Variants in ATP9B observed in about 807,000 individuals in gnomAD.
ATP9B encodes ATPase phospholipid transporting 9B.
In ATP9B, 110 loss-of-function variants were observed where a neutral mutation model predicts 146.1. The observed-to-expected ratio is 0.75, with a 90% confidence interval of 0.65 to 0.88. The LOEUF (loss-of-function observed/expected upper bound fraction) is 0.88. Ranked by LOEUF, ATP9B falls within the 40% of genes least tolerant of loss-of-function variation. The pLI is 0.00. For synonymous variants in ATP9B, 604 were observed against 569.7 expected (o/e 1.06, Z -0.86); for missense variants, 1,499 against 1,496.4 (o/e 1.00, Z -0.03).
At position 79,372,618 on chromosome 18, in the gene ATP9B, T is replaced by A. The variant is rs113610581; in HGVS notation, c.3013-207T>A. 5 of 667,990 alleles carry A rather than the reference T, an allele frequency of 7.5e-6. No individual in the cohort carries two copies. The South Asian group carries it at 7.5e-5, about 10-fold the overall frequency. The allele number at this position is 667,990 out of a possible 1,614,324, so 41.4% of individuals were successfully genotyped here. A position where few individuals can be genotyped will look rare whatever the true frequency, so the allele number is the denominator to read the frequency against. On this transcript the variant is annotated intron_variant, in intron 26 of 29. Coordinates refer to ENST00000426216, the MANE Select transcript of ATP9B (RefSeq NM_198531.5). ...ATGAACGTCTAACCTCAGGCACCAG[T>A]GGACACGTGTGGGACCCAGGCAGCT...
intron 12 of ATP9B, among the ~76,000 whole-genome samples, chr18:79,257,346 T>C (rs962900463): frequency 6.6e-6 from 1 of 152,146 alleles, no homozygotes; most frequent in African/African-American, 2.4e-5. Flanking sequence ...GTAAGTGTTG[T>C]CAGTAAATAG....
Position 79,157,396 on chromosome 18 carries a change from CAAAA to C in ATP9B, c.778+2866_778+2869del, listed in dbSNP as rs147316668. The stretch of plus-strand genomic sequence containing the variant: ...GGGTGACGAGAGTGAAACTCCATCT[CAAAA>C]AAAAAAAAAAAAAAAAAAAAAAAAC... On this transcript the variant is annotated intron_variant, in intron 7 of 29. Coordinates refer to ENST00000426216, the MANE Select transcript of ATP9B (RefSeq NM_198531.5). 9.6e-3 allele frequency among the ~76,000 whole-genome samples: 465 copies of C among 48,612 alleles called. 3 individuals are homozygous for C. Among genetic ancestry groups the C allele is most frequent in the South Asian group, 0.073 (58 of 792 alleles). 31.9% of individuals were successfully genotyped at this position (48,612 alleles called of 152,430 possible). A position where few individuals can be genotyped will look rare whatever the true frequency, so the allele number is the denominator to read the frequency against.
At chr18:79,094,627 G>T (rs916185227) in intron 1 of ATP9B, among the ~76,000 whole-genome samples, 2 of 152,226 alleles carry the variant, frequency 1.3e-5, no homozygotes, top group Non-Finnish European at 2.9e-5. Flanking sequence ...GTTCTGCTTT[G>T]CAAGAGCCCC....
intron 15 of ATP9B, chr18:79,307,548 G>A: frequency 3.4e-6 from 1 of 295,954 alleles, no homozygotes; most frequent in Non-Finnish European, 6.4e-6. Context: ...TGTCAAAGCT[G>A]CATTTTATAA....
intron 3 of ATP9B, among the ~76,000 whole-genome samples, chr18:79,110,925 T>G (rs1288438579): frequency 6.6e-6 from 1 of 152,204 alleles, no homozygotes; most frequent in Non-Finnish European, 1.5e-5. Flanking sequence ...TGAAACAATT[T>G]TTTATACTGA....
intron 12 of ATP9B, among the ~76,000 whole-genome samples, chr18:79,260,402 C>T (rs982528574): frequency 5.3e-5 from 8 of 152,114 alleles, no homozygotes; most frequent in African/African-American, 1.9e-4. Flanking sequence ...CCTCTACACA[C>T]GGGGAGTACA....
chr18:79,235,896 T>G (rs2095837223), intron 11 of ATP9B, among the ~76,000 whole-genome samples: 1 of 152,190 alleles, frequency 6.6e-6, no homozygotes, highest in South Asian at 2.1e-4. Flanking sequence ...CACGGATTTC[T>G]ACATCTTTGA....
intron 13 of ATP9B, among the ~76,000 whole-genome samples, chr18:79,299,434 A>G (rs1202814437): frequency 3.3e-5 from 5 of 152,106 alleles, no homozygotes; most frequent in Non-Finnish European, 7.3e-5. Context: ...CCACTAGTAA[A>G]TTCATATGCT....
At chr18:79,079,053 G>A (rs1281957215) in intron 1 of ATP9B, among the ~76,000 whole-genome samples, 1 of 152,118 alleles carries the variant, frequency 6.6e-6, no homozygotes, top group African/African-American at 2.4e-5. Flanking sequence ...TCTTTATCCA[G>A]TCTGTCATTG....
At position 79,171,706 on chromosome 18, in the gene ATP9B, C is replaced by G. The variant is rs75690954; in HGVS notation, c.779-5107C>G. ...CCACCAACGCAGTCAAGGTGCAGAA[C>G]TGTTGCACCACCGTGAGGATCTCCC... On this transcript the variant is annotated intron_variant, in intron 7 of 29. Coordinates refer to ENST00000426216, the MANE Select transcript of ATP9B (RefSeq NM_198531.5). 2.7e-3 allele frequency among the ~76,000 whole-genome samples: 410 copies of G among 152,282 alleles called. 11 individuals are homozygous for G. In the East Asian group the frequency reaches 0.057, roughly 21 times the overall value.
At position 79,279,607 on chromosome 18, in the gene ATP9B, G is replaced by A. The variant is rs376498769; in HGVS notation, c.1411+2411G>A. ...CAATTCTGTACACCAGCAACCATTAGGACATTTAATACCAAAACACCAGTT... is the reference window on the plus strand; with the variant it reads ...CAATTCTGTACACCAGCAACCATTAAGACATTTAATACCAAAACACCAGTT... On this transcript the variant is annotated intron_variant, in intron 13 of 29. Transcript: ENST00000426216. 2.4e-3 allele frequency among the ~76,000 whole-genome samples: 364 copies of A among 152,080 alleles called. 1 individual carries two copies. Among genetic ancestry groups the A allele is most frequent in the South Asian group, 6.5e-3 (31 of 4,806 alleles).
intron 8 of ATP9B, 59 bp downstream of exon 8, chr18:79,176,966 C>T (rs935779149): frequency 4.9e-6 from 7 of 1,424,216 alleles, no homozygotes; most frequent in African/African-American, 1.4e-5. Context: ...CTAGGCTTCA[C>T]GTATATTTCT....
intron 13 of ATP9B, among the ~76,000 whole-genome samples, chr18:79,283,891 T>C (rs940514704): frequency 2.0e-5 from 3 of 152,356 alleles, no homozygotes; most frequent in South Asian, 4.1e-4. Flanking sequence ...AGAGAACTCA[T>C]AAATTTTAAA....
chr18:79,153,293 T>G (rs994343798), intron 6 of ATP9B, among the ~76,000 whole-genome samples: 6 of 152,236 alleles, frequency 3.9e-5, no homozygotes, highest in African/African-American at 1.4e-4. Context: ...CTTTCCCAGT[T>G]GATAGAACTA....
intron 12 of ATP9B, among the ~76,000 whole-genome samples, chr18:79,261,898 G>C (rs976894908): frequency 3.3e-5 from 5 of 152,110 alleles, no homozygotes; most frequent in Non-Finnish European, 7.4e-5. Context: ...TTTATAATAG[G>C]CAGCTCAGCC....
chr18:79,274,763 C>A (rs935015506), intron 12 of ATP9B, among the ~76,000 whole-genome samples: 2 of 152,218 alleles, frequency 1.3e-5, no homozygotes, highest in African/African-American at 4.8e-5. Flanking sequence ...GATGATCTCT[C>A]ACCTTTTCAT....
intron 20 of ATP9B, among the ~76,000 whole-genome samples, chr18:79,343,396 C>T (rs1331919400): frequency 6.6e-6 from 1 of 152,072 alleles, no homozygotes; most frequent in Non-Finnish European, 1.5e-5. Context: ...CTTTTATGCT[C>T]CATAAAATCT....
chr18:79,327,878 A>T (rs62096813), intron 15 of ATP9B, among the ~76,000 whole-genome samples: 3,669 of 13,144 alleles, frequency 0.28, 1,490 homozygotes, highest in East Asian at 0.65. Context: ...CTCTCCATGG[A>T]TAGTGTGCTC....
rs142826403 is a variant in ATP9B at position 79,342,315 on chromosome 18, C to T, written c.2331C>T (p.Ala777=). ...AACTCGAGACAGCTACCTGCATTGC[C>T]AAAAGTTCACATCTCGTGTCTAGAA... ...GDKLETATCI[A]KSSHLVSRTQ... The change falls in exon 20 of 30, where the codon GCC becomes GCT. Residue 777 remains alanine, a synonymous_variant. Transcript: ENST00000426216. 2 of 1,613,544 alleles carry T rather than the reference C, an allele frequency of 1.2e-6. No individual in the cohort carries two copies. The highest frequency in any genetic ancestry group is 8.5e-7 in the Non-Finnish European group (1 of 1,179,756).
Sources: gnomAD v4.1 joint callset for allele counts (sites outside exome capture counted in the v4.1 genomes callset) on GRCh38, gnomAD v4.1.1 for gene constraint, MANE v1.5 for transcripts, NCBI Gene and HGNC (gene_info 2026-07-23, HGNC 2026-07-21) for gene names.